The following ULK4 variants were observed in gnomAD, a reference collection of about 807,000 sequenced individuals.
The protein encoded by ULK4 is inactive serine/threonine-protein kinase ULK4.
ULK4 carries 133 observed loss-of-function variants against 160.6 expected under a neutral mutation model. The ratio of observed to expected loss-of-function variants is 0.83; its 90% CI spans 0.72 to 0.96. The LOEUF is 0.96. Ranked by LOEUF, ULK4 falls within the 40% of genes least tolerant of loss-of-function variation. The pLI is 0.00. For synonymous variants in ULK4, 534 were observed against 539.8 expected (o/e 0.99, Z 0.15); for missense variants, 1,580 against 1,499.5 (o/e 1.05, Z -0.89).
intron 35 of ULK4, among the ~76,000 whole-genome samples, chr3:41,283,213 G>GT (rs2079393504): frequency 6.6e-6 from 1 of 152,200 alleles, no homozygotes; most frequent in African/African-American, 2.4e-5. Context: ...GTGTAAATTA[G>GT]TCAACCATTG....
intron 32 of ULK4, among the ~76,000 whole-genome samples, chr3:41,541,207 A>G (rs761949988): frequency 7.2e-5 from 11 of 152,156 alleles, no homozygotes; most frequent in Non-Finnish European, 1.3e-4. Context: ...CTTTTGTATA[A>G]GGTGTAAGGA....
chr3:41,535,651 C>T (rs1010463859), intron 32 of ULK4, among the ~76,000 whole-genome samples: 6 of 151,394 alleles, frequency 4.0e-5, no homozygotes, highest in African/African-American at 1.5e-4. Flanking sequence ...ATCTGAGACT[C>T]CTCATGTGGT....
chr3:41,309,321 A>G, intron 35 of ULK4, among the ~76,000 whole-genome samples: 1 of 152,098 alleles, frequency 6.6e-6, no homozygotes, highest in Admixed American at 6.5e-5. Context: ...AACAACAAAG[A>G]TAAAGGGAAT....
At chr3:41,283,769 T>G (rs2079407054) in intron 35 of ULK4, among the ~76,000 whole-genome samples, 1 of 152,026 alleles carries the variant, frequency 6.6e-6, no homozygotes, top group South Asian at 2.1e-4. Context: ...GTTTTGCACA[T>G]GTACCGTAGA....
intron 35 of ULK4, among the ~76,000 whole-genome samples, chr3:41,315,000 ACATTTAAAATTACTTATAAATT>A (rs1402994153): frequency 2.0e-5 from 3 of 152,228 alleles, no homozygotes; most frequent in Non-Finnish European, 2.9e-5. Flanking sequence ...TAAAACCAAG[ACATTTAAAATTACTTATAAATT>A]CATTTAAAAT....
chr3:41,867,400 G>T (rs953427665), intron 17 of ULK4, among the ~76,000 whole-genome samples: 1 of 152,058 alleles, frequency 6.6e-6, no homozygotes, highest in African/African-American at 2.4e-5. Context: ...GTTTTGGGGG[G>T]GCAAGGTGTC....
intron 12 of ULK4, among the ~76,000 whole-genome samples, chr3:41,907,301 A>ATTT (rs71075494): frequency 6.8e-6 from 1 of 147,822 alleles, no homozygotes; most frequent in African/African-American, 2.5e-5. Flanking sequence ...CCTTTTATTT[A>ATTT]TTTTTTTTTT....
At chr3:41,323,844 A>T (rs1199553452) in intron 35 of ULK4, among the ~76,000 whole-genome samples, 2 of 150,838 alleles carry the variant, frequency 1.3e-5, no homozygotes, top group South Asian at 4.2e-4. Flanking sequence ...TTTAGGATTT[A>T]AAAAAAATAG....
At chr3:41,849,526 C>T (rs1265772027) in intron 17 of ULK4, among the ~76,000 whole-genome samples, 1 of 152,108 alleles carries the variant, frequency 6.6e-6, no homozygotes, top group Non-Finnish European at 1.5e-5. Context: ...ACAGGGGCTT[C>T]GTAGGGTAGT....
intron 32 of ULK4, among the ~76,000 whole-genome samples, chr3:41,527,209 G>A (rs2086148909): frequency 6.6e-6 from 1 of 152,218 alleles, no homozygotes; most frequent in South Asian, 2.1e-4. Context: ...ATGCTCTACA[G>A]CTCGTTTCTC....
At chr3:41,572,804 G>A (rs959606605) in intron 31 of ULK4, among the ~76,000 whole-genome samples, 2 of 151,022 alleles carry the variant, frequency 1.3e-5, no homozygotes, top group African/African-American at 4.9e-5. Flanking sequence ...CAAGAAGCAT[G>A]ATATGGGTAT....
At chr3:41,897,146 GACACTATTTT>G in intron 14 of ULK4, 143 bp from the exon 15 acceptor site, 3 of 675,028 alleles carry the variant, frequency 4.4e-6, no homozygotes, top group Non-Finnish European at 7.2e-6. Flanking sequence ...CTCCAAAGAT[GACACTATTTT>G]TATTCGTCCT....
chr3:41,840,389 C>G (rs79511645), intron 17 of ULK4, among the ~76,000 whole-genome samples: 1 of 152,130 alleles, frequency 6.6e-6, no homozygotes. Context: ...CCCTCTCCCC[C>G]TTTCTTTCTT....
intron 32 of ULK4, among the ~76,000 whole-genome samples, chr3:41,537,372 C>A (rs1418253442): frequency 1.3e-5 from 2 of 152,186 alleles, no homozygotes; most frequent in Non-Finnish European, 2.9e-5. Context: ...TCCTCTCAGA[C>A]TTTCATGATA....
chr3:41,771,350 A>C (rs556772939), intron 21 of ULK4, among the ~76,000 whole-genome samples: 1 of 152,332 alleles, frequency 6.6e-6, no homozygotes, highest in South Asian at 2.1e-4. Flanking sequence ...AGGATGAAAT[A>C]AGAAAGAATA....
chr3:41,750,164 T>C (rs1298118427), intron 22 of ULK4, among the ~76,000 whole-genome samples: 2 of 152,202 alleles, frequency 1.3e-5, no homozygotes, highest in African/African-American at 2.4e-5. Context: ...TCCTGACCCA[T>C]GGAAACTGTC....
chr3:41,414,075 C>T (rs2082472832), intron 34 of ULK4, among the ~76,000 whole-genome samples: 2 of 152,162 alleles, frequency 1.3e-5, no homozygotes, highest in African/African-American at 2.4e-5. Flanking sequence ...ATGGCACATG[C>T]CTGTAATCCC....
At chr3:41,637,664 G>A (rs1300794514) in intron 30 of ULK4, among the ~76,000 whole-genome samples, 1 of 152,150 alleles carries the variant, frequency 6.6e-6, no homozygotes, top group Admixed American at 6.5e-5. Flanking sequence ...TCAACAATGT[G>A]TAAGAGTTCC....
Position 41,398,102 on chromosome 3 carries a change from G to A in ULK4, c.3655C>T (p.Leu1219=), listed in dbSNP as rs1277146728. Residue 1219 remains leucine, a synonymous_variant, in exon 35 of 37, where the codon CTG becomes TTG. Coordinates refer to ENST00000301831, the MANE Select transcript of ULK4 (RefSeq NM_017886.4). ...SKEDPKEQKL[L]LRILRRMITS... ...ACCATTCTTCTGAGAATCCTTAACA[G>A]AAGCTTCTGCTCCTTTGGGTCCTCC... 1 of 1,612,718 alleles carries A rather than the reference G, an allele frequency of 6.2e-7. No homozygotes were observed. The highest frequency in any genetic ancestry group is 2.2e-5 in the East Asian group (1 of 44,846).
Sources: allele counts gnomAD v4.1 joint callset (sites outside exome capture counted in the v4.1 genomes callset), GRCh38; gene constraint gnomAD v4.1.1; transcripts MANE v1.5; gene names NCBI Gene and HGNC (gene_info 2026-07-23, HGNC 2026-07-21).